Variants in VEZT observed in about 807,000 individuals in gnomAD.
The protein encoded by VEZT is vezatin, adherens junctions transmembrane protein.
In VEZT, 39 loss-of-function variants were observed where a neutral mutation model predicts 79.9. The observed-to-expected ratio is 0.49, with a 90% CI of 0.38 to 0.64. The LOEUF is 0.64. VEZT is among the 30% of genes least tolerant of loss of function. VEZT has a pLI of 0.00. For missense variants in VEZT, 837 were observed against 893.1 expected (o/e 0.94, Z 0.80); for synonymous variants, 325 against 327.6 (o/e 0.99, Z 0.09).
At chr12:95,245,418 C>A (rs965500038) in intron 1 of VEZT, 1 of 440,166 alleles carries the variant, frequency 2.3e-6, no homozygotes, top group Non-Finnish European at 4.5e-6. Flanking sequence ...CTCAATATTT[C>A]CTTGATAATG....
intron 1 of VEZT, among the ~76,000 whole-genome samples, chr12:95,238,196 A>T (rs1394964198): frequency 6.6e-6 from 1 of 152,188 alleles, no homozygotes; most frequent in Non-Finnish European, 1.5e-5. Flanking sequence ...AATCAGACTA[A>T]CTGGGTTTAT....
intron 3 of VEZT, among the ~76,000 whole-genome samples, chr12:95,259,201 T>C (rs2063958909): frequency 6.6e-6 from 1 of 152,030 alleles, no homozygotes; most frequent in Admixed American, 6.6e-5. Context: ...GTTTTTTTTT[T>C]CTTGATCCAT....
At chr12:95,226,085 CTT>C (rs1309647497) in intron 1 of VEZT, among the ~76,000 whole-genome samples, 1 of 138,640 alleles carries the variant, frequency 7.2e-6, no homozygotes, top group Non-Finnish European at 1.5e-5. Context: ...CAGATTGAGA[CTT>C]TGCCTTTATT....
intron 1 of VEZT, among the ~76,000 whole-genome samples, chr12:95,233,452 T>G (rs888918558): frequency 6.6e-6 from 1 of 152,168 alleles, no homozygotes; most frequent in Non-Finnish European, 1.5e-5. Flanking sequence ...GAGGCTGGAG[T>G]GCAGTGGCAC....
intron 1 of VEZT, among the ~76,000 whole-genome samples, chr12:95,232,042 C>T (rs181834609): frequency 2.0e-5 from 3 of 152,298 alleles, no homozygotes; most frequent in Admixed American, 1.3e-4. Context: ...CCTGGAAAAA[C>T]ATGGAAATCA....
intron 9 of VEZT, among the ~76,000 whole-genome samples, chr12:95,293,516 C>A (rs1472839634): frequency 6.6e-6 from 1 of 152,158 alleles, no homozygotes; most frequent in Admixed American, 6.6e-5. Context: ...GTTAAACTCA[C>A]TTGGGTGATC....
intron 6 of VEZT, among the ~76,000 whole-genome samples, chr12:95,271,745 G>A (rs906082682): frequency 6.6e-6 from 1 of 152,198 alleles, no homozygotes; most frequent in Non-Finnish European, 1.5e-5. Flanking sequence ...GGTAGGGAGT[G>A]AGAGGGTTAG....
At chr12:95,247,056 T>C (rs2061822754) in intron 1 of VEZT, among the ~76,000 whole-genome samples, 1 of 152,120 alleles carries the variant, frequency 6.6e-6, no homozygotes, top group South Asian at 2.1e-4. Context: ...ATAGGGAGCC[T>C]CCCCTTGCTG....
At chr12:95,262,043 G>T (rs915753283) in intron 3 of VEZT, among the ~76,000 whole-genome samples, 3 of 152,152 alleles carry the variant, frequency 2.0e-5, no homozygotes, top group African/African-American at 7.2e-5. Flanking sequence ...CTTTTATCCT[G>T]TACCATCCCA....
chr12:95,220,166 C>T (rs760321165), intron 1 of VEZT, among the ~76,000 whole-genome samples: 13 of 150,638 alleles, frequency 8.6e-5, no homozygotes, highest in Non-Finnish European at 1.5e-4. Context: ...GATCAAGAAA[C>T]GGGACAGATG....
intron 3 of VEZT, among the ~76,000 whole-genome samples, chr12:95,262,593 G>A (rs368510837): frequency 1.3e-5 from 2 of 152,068 alleles, no homozygotes; most frequent in Admixed American, 6.6e-5. Context: ...TTTCCATGTC[G>A]TGCCCTAGCA....
intron 1 of VEZT, 103 bp from the exon 2 acceptor site, chr12:95,251,837 G>T: frequency 1.0e-6 from 1 of 992,042 alleles, no homozygotes; most frequent in Non-Finnish European, 1.5e-6. Flanking sequence ...TAAAGAATTT[G>T]GACATACTGG....
intron 6 of VEZT, among the ~76,000 whole-genome samples, chr12:95,271,443 C>T (rs553525132): frequency 5.1e-4 from 78 of 152,132 alleles, no homozygotes; most frequent in African/African-American, 1.9e-3. Context: ...CATAGCAGGG[C>T]AACATACTTG....
At position 95,255,500 on chromosome 12, in the gene VEZT, C is replaced by A. The variant is rs2063319845; in HGVS notation, c.169-1650C>A. On this transcript the variant is annotated intron_variant, in intron 2 of 11. Coordinates refer to ENST00000436874, the MANE Select transcript of VEZT (RefSeq NM_017599.4). ...AGCCTTGAGTGCAGTGGTGCGATCT[C>A]AGCTCGCTGCAACCTCCACCTCCCG... 3.3e-5 allele frequency among the ~76,000 whole-genome samples: 5 copies of A among 152,326 alleles called. No homozygotes were observed. In the Middle Eastern group the frequency reaches 0.014, roughly 414 times the overall value.
chr12:95,229,887 C>T (rs2058997468), intron 1 of VEZT, among the ~76,000 whole-genome samples: 1 of 151,968 alleles, frequency 6.6e-6, no homozygotes, highest in African/African-American at 2.4e-5. Context: ...GTCAGGAGTT[C>T]GAGATCAGCC....
chr12:95,234,004 T>A (rs910251495), intron 1 of VEZT, among the ~76,000 whole-genome samples: 2 of 152,212 alleles, frequency 1.3e-5, no homozygotes, highest in Non-Finnish European at 2.9e-5. Flanking sequence ...GTATGATGTA[T>A]CTGTATTCCA....
intron 2 of VEZT, among the ~76,000 whole-genome samples, chr12:95,254,047 T>G (rs1299420585): frequency 6.6e-6 from 1 of 152,132 alleles, no homozygotes; most frequent in Admixed American, 6.5e-5. Context: ...GTGGTGTGAT[T>G]ACAATTCACT....
chr12:95,302,519 ATTTG>A lies in VEZT; in HGVS notation c.*1849_*1852del, dbSNP rs2075322618. The A allele has an allele frequency of 2.0e-5, 3 of 152,116 alleles. No homozygotes were observed. In the East Asian group the frequency reaches 5.8e-4, roughly 29 times the overall value. The allele number at this position is 152,116 out of a possible 1,614,324, so 9.4% of individuals were successfully genotyped here. ...AAAGATCTTGCAGCTTTATTTGAGT[ATTTG>A]TTCTTTTGTGTAGTTTCCATCTTTT... is the stretch of plus-strand genomic sequence containing the variant. On this transcript the variant is annotated 3_prime_UTR_variant, in exon 12 of 12. Coordinates refer to ENST00000436874, the MANE Select transcript of VEZT (RefSeq NM_017599.4).
chr12:95,295,525 C>T (rs1007761996), intron 10 of VEZT, among the ~76,000 whole-genome samples: 2 of 152,144 alleles, frequency 1.3e-5, no homozygotes, highest in South Asian at 4.1e-4. Flanking sequence ...ATTAGAGAAT[C>T]CCAGGTCATT....
Sources: gnomAD v4.1 joint callset for allele counts (sites outside exome capture counted in the v4.1 genomes callset) on GRCh38, gnomAD v4.1.1 for gene constraint, MANE v1.5 for transcripts, NCBI Gene and HGNC (gene_info 2026-07-23, HGNC 2026-07-21) for gene names.